Variants in SACS observed in about 807,000 individuals in gnomAD.
The protein encoded by SACS is sacsin.
In SACS, 197 loss-of-function variants were observed where a neutral mutation model predicts 348.0. The ratio of observed to expected loss-of-function variants is 0.57; its 90% CI spans 0.50 to 0.64. SACS has a LOEUF of 0.64. Ranked by LOEUF, SACS falls within the 30% of genes least tolerant of loss-of-function variation. The probability of loss-of-function intolerance (pLI) is 0.00; values close to 1 mark genes in which losing one functional copy is unlikely to be tolerated. For missense variants in SACS, 4,999 were observed against 5,360.8 expected, an observed-to-expected ratio of 0.93 and a Z score of 2.11; for synonymous variants, 1,985 against 1,910.6, an observed-to-expected ratio of 1.04 and a Z score of -1.02.
At chr13:23,396,757 AGTTAAG>A (rs1872727141) in intron 2 of SACS, among the ~76,000 whole-genome samples, 1 of 152,176 alleles carries the variant, frequency 6.6e-6, no homozygotes, top group Non-Finnish European at 1.5e-5. Context: ...AATAGTTAAC[AGTTAAG>A]TTAACTTAAA....
chr13:23,363,296 T>C (rs2148441), intron 6 of SACS, among the ~76,000 whole-genome samples: 133,044 of 151,786 alleles, frequency 0.88, 58,377 homozygotes, highest in East Asian at 1. Context: ...AGTGGGGTCT[T>C]GGCTCACTGC....
At chr13:23,421,765 G>T (rs964691746) in intron 1 of SACS, among the ~76,000 whole-genome samples, 1 of 151,882 alleles carries the variant, frequency 6.6e-6, no homozygotes, top group Non-Finnish European at 1.5e-5. Context: ...TGGGGTCAGG[G>T]TATCTACCTG....
Position 23,337,564 on chromosome 13 carries a change from C to A in SACS, c.6312G>T (p.Gly2104=). The part of the protein sequence containing the change: ...VTPCIPCSLE[G]HPLVLPSRLI... ...ATCTTGATGGCAAAACCAAAGGATG[C>A]CCCTCCAAGGAACAAGGAATACATG... Residue 2104 remains glycine (G), a synonymous_variant, in exon 10 of 10, where the codon GGG becomes GGT. Coordinates refer to ENST00000382292, the MANE Select transcript of SACS (RefSeq NM_014363.6). 1 of 1,613,856 alleles carries A rather than the reference C, an allele frequency of 6.2e-7. No homozygotes were observed. The highest frequency in any genetic ancestry group is 8.5e-7 in the Non-Finnish European group (1 of 1,179,892).
chr13:23,393,934 G>C (rs910588912), intron 2 of SACS, among the ~76,000 whole-genome samples: 1 of 152,006 alleles, frequency 6.6e-6, no homozygotes, highest in African/African-American at 2.4e-5. Flanking sequence ...CTAATTTTTT[G>C]TATTTTTAGT....
In SACS at chr13:23,331,359, T is replaced by C; in HGVS notation, c.12517A>G (p.Met4173Val). 12 of 1,614,002 alleles carry C rather than the reference T, an allele frequency of 7.4e-6. No homozygotes were observed. The highest frequency in any genetic ancestry group is 2.2e-5 in the East Asian group (1 of 44,872). ...TATTCTCCCGGGTAAAAAACATTCA[T>C]TGGGTCCATAAGCAGAGTGTAATGA... ...EIHYTLLMDP[M>V]NVFYPGEYVG... is the part of the protein sequence containing the mutation. The change falls in exon 10 of 10, where the codon ATG becomes GTG. Residue 4173 changes from methionine (M) to valine (V), a missense_variant. This residue lies in a region of SACS where 831 missense variants were observed against 941.8 expected (regional missense o/e 0.88). Coordinates refer to ENST00000382292, the MANE Select transcript of SACS (RefSeq NM_014363.6).
chr13:23,430,228 TAAAAC>T lies in SACS; in HGVS notation c.-502+3382_-502+3386del, dbSNP rs201906137. 9.2e-3 allele frequency among the ~76,000 whole-genome samples: 1,401 copies of T among 151,972 alleles called. 20 individuals are homozygous for T. Among genetic ancestry groups the T allele is most frequent in the African/African-American group, 0.028 (1,175 of 41,440 alleles). On this transcript the variant is annotated intron_variant, in intron 1 of 9. Transcript: ENST00000382292. The stretch of plus-strand genomic sequence containing the variant: ...ATCTCAAAAAAAAAAAATTAATAAA[TAAAAC>T]TAAAGGAATATTTGGTGTAATTGAC...
At chr13:23,395,385 C>T (rs116972425) in intron 2 of SACS, among the ~76,000 whole-genome samples, 2,008 of 152,320 alleles carry the variant, frequency 0.013, 30 homozygotes, top group South Asian at 0.044. Context: ...TAATTTGGAA[C>T]TTTGATGGCT....
chr13:23,331,579 C>T lies in SACS; in HGVS notation c.12297G>A (p.Leu4099=). Reference sequence around the variant, plus strand: ...ATTTAAGAGTCATTGCCAATGCTAACAGGAAATTAATGTCTTTACTGTCTG... The same window carrying T: ...ATTTAAGAGTCATTGCCAATGCTAATAGGAAATTAATGTCTTTACTGTCTG... ...QHSDSKDINF[L]LALAMTLKSA... The change falls in exon 10 of 10, where the codon CTG becomes CTA. Residue 4099 remains leucine (L), a synonymous_variant. Transcript: ENST00000382292. 6.2e-7 allele frequency: 1 copy of T among 1,613,950 alleles called. No homozygotes were observed. The highest frequency in any genetic ancestry group is 8.5e-7 in the Non-Finnish European group (1 of 1,179,920).
intron 6 of SACS, among the ~76,000 whole-genome samples, chr13:23,364,522 C>T (rs1294894625): frequency 6.6e-6 from 1 of 152,208 alleles, no homozygotes; most frequent in East Asian, 1.9e-4. Context: ...CTCAGGTGAT[C>T]TGCCCACCTC....
intron 1 of SACS, among the ~76,000 whole-genome samples, chr13:23,413,367 A>G (rs1873572739): frequency 6.6e-6 from 1 of 152,238 alleles, no homozygotes; most frequent in Non-Finnish European, 1.5e-5. Flanking sequence ...ATAATTTTCA[A>G]GATGTTCTCT....
chr13:23,350,063 G>C (rs1017388437), intron 9 of SACS, among the ~76,000 whole-genome samples: 13 of 152,202 alleles, frequency 8.5e-5, no homozygotes, highest in Non-Finnish European at 1.6e-4. Context: ...ATAATTCTGA[G>C]AAGCAGGCAA....
At chr13:23,422,375 A>T (rs1323887010) in intron 1 of SACS, among the ~76,000 whole-genome samples, 1 of 152,200 alleles carries the variant, frequency 6.6e-6, no homozygotes, top group Non-Finnish European at 1.5e-5. Context: ...CGTTTTATAC[A>T]ACCTAAGGAA....
In SACS at chr13:23,334,604, C is replaced by G; in HGVS notation, c.9272G>C (p.Ser3091Thr). 1 of 1,613,482 alleles carries G rather than the reference C, an allele frequency of 6.2e-7. No individual in the cohort carries two copies. Among genetic ancestry groups the G allele is most frequent in the Non-Finnish European group, 8.5e-7 (1 of 1,179,772 alleles). The stretch of plus-strand genomic sequence containing the variant: ...TCTGATATCAGCAGGGGTCACATAA[C>G]TAACAGGAATATCTGCATCTATAAG... ...HCLIDADIPV[S>T]YVTPADIRSF... The change falls in exon 10 of 10, where the codon AGT becomes ACT. Residue 3091 changes from serine (S) to threonine (T), a missense_variant. This residue lies in a region of SACS where 734 missense variants were observed against 694.0 expected (regional missense o/e 1.06). Transcript: ENST00000382292.
Position 23,329,257 on chromosome 13 carries a change from T to A in SACS, c.*879A>T. 1 of 518,546 alleles carries A rather than the reference T, an allele frequency of 1.9e-6. No individual in the cohort carries two copies. The highest frequency in any genetic ancestry group is 3.3e-5 in the South Asian group (1 of 30,304). 32.1% of individuals were successfully genotyped at this position (518,546 alleles called of 1,614,324 possible). A position where few individuals can be genotyped will look rare whatever the true frequency, so the allele number is the denominator to read the frequency against. On this transcript the variant is annotated 3_prime_UTR_variant, in exon 10 of 10. Coordinates refer to ENST00000382292, the MANE Select transcript of SACS (RefSeq NM_014363.6). ...GCCATATTGAAAGAAAAGGTTGTTT[T>A]TTTTTTAACTGCAGCACCTTTAGAC...
At chr13:23,420,873 C>T (rs557704803) in intron 1 of SACS, among the ~76,000 whole-genome samples, 69 of 152,130 alleles carry the variant, frequency 4.5e-4, no homozygotes, top group African/African-American at 1.6e-3. Flanking sequence ...CCGGATTGTC[C>T]ATCAGGGACC....
chr13:23,336,597 T>C lies in SACS; in HGVS notation c.7279A>G (p.Ile2427Val), dbSNP rs1566064621. The change falls in exon 10 of 10, where the codon ATA becomes GTA. Residue 2427 changes from isoleucine to valine, a missense_variant. Around this residue, in one of 6 missense-constraint regions of SACS, gnomAD observed 3,156 missense variants for 3,380.1 expected, o/e 0.93. Coordinates refer to ENST00000382292, the MANE Select transcript of SACS (RefSeq NM_014363.6). ...TEENFQLCRR[I>V]ISEGIWSLIR... ...AGACTCCATATTCCTTCACTGATTATTCGTCGGCAAAGCTGAAAATTCTCT... is the reference window on the plus strand; with the variant it reads ...AGACTCCATATTCCTTCACTGATTACTCGTCGGCAAAGCTGAAAATTCTCT... 1 of 1,613,790 alleles carries C rather than the reference T, an allele frequency of 6.2e-7. No homozygotes were observed. The highest frequency in any genetic ancestry group is 1.7e-5 in the Admixed American group (1 of 59,966).
Position 23,334,079 on chromosome 13 carries a change from G to A in SACS, c.9797C>T (p.Pro3266Leu). ...SVKEDQEETK[P>L]TFDIVVDTLK... ...AGTATCAACAACAATGTCAAATGTT[G>A]GTTTTGTTTCTTCCTGATCTTCTTT... Residue 3266 changes from proline (P) to leucine (L), a missense_variant, in exon 10 of 10, where the codon CCA becomes CTA. Physicochemically the swap from Pro to Leu is moderately conservative, Grantham distance 98 (BLOSUM62 -3). Transcript: ENST00000382292. The A allele has an allele frequency of 6.2e-7, 1 of 1,613,666 alleles. No homozygotes were observed. The highest frequency in any genetic ancestry group is 1.1e-5 in the South Asian group (1 of 91,066).
rs1462906765 is a variant in SACS, at chr13:23,341,673, G to C, written c.2203C>G (p.Leu735Val). ...AATCGTTCTGGATTTAGAAGCTGCA[G>C]CTGAGTACATGGTCTTCCTGTAAAT... The part of the protein sequence containing the change: ...AQTRGRPCTQ[L>V]QLLNPERFAR... The change falls in exon 10 of 10, where the codon CTG (leucine) becomes GTG (valine). Residue 735 changes from leucine to valine, a missense_variant. By Grantham distance (32) the Leu-to-Val change is conservative (BLOSUM62 1). Around this residue, in one of 6 missense-constraint regions of SACS, gnomAD observed 3,156 missense variants for 3,380.1 expected, o/e 0.93. Transcript: ENST00000382292. The C allele has an allele frequency of 6.2e-7, 1 of 1,612,530 alleles. No homozygotes were observed. Among genetic ancestry groups the C allele is most frequent in the Non-Finnish European group, 8.5e-7 (1 of 1,179,794 alleles).
At chr13:23,395,118 G>A (rs1379018950) in intron 2 of SACS, among the ~76,000 whole-genome samples, 2 of 129,450 alleles carry the variant, frequency 1.5e-5, no homozygotes, top group Non-Finnish European at 3.6e-5. Flanking sequence ...CTGGGTCAGA[G>A]TCCTGGGCTT....
Sources: gnomAD v4.1 joint callset for allele counts (sites outside exome capture counted in the v4.1 genomes callset) on GRCh38, gnomAD v4.1.1 for gene constraint, gnomAD v4.1.1 regional missense constraint, MANE v1.5 for transcripts, NCBI Gene and HGNC (gene_info 2026-07-23, HGNC 2026-07-21) for gene names.